NCOA1: variants seen among roughly 807,000 people sequenced by gnomAD.
NCOA1 encodes Hin-2 protein.
Under a neutral mutation model 150.9 loss-of-function variants are expected in NCOA1, and 35 were observed. That is an observed-to-expected ratio of 0.23 (90% CI 0.18 to 0.31). The LOEUF is 0.31. Ranked by LOEUF, NCOA1 falls within the 10% of genes least tolerant of loss-of-function variation. The probability of loss-of-function intolerance (pLI) is 1.00; values close to 1 mark genes in which losing one functional copy is unlikely to be tolerated. For missense variants in NCOA1, 1,491 were observed against 1,749.3 expected, an observed-to-expected ratio of 0.85 and a Z score of 2.63; for synonymous variants, 590 against 630.0, an observed-to-expected ratio of 0.94 and a Z score of 0.95.
chr2:24,562,525 T>C (rs1025914150), intron 1 of NCOA1, among the ~76,000 whole-genome samples: 1 of 152,168 alleles, frequency 6.6e-6, no homozygotes, highest in Admixed American at 6.5e-5. Flanking sequence ...ATTCCACCCC[T>C]AGTAGGGCTG....
At chr2:24,670,357 A>G (rs1671624635) in intron 6 of NCOA1, among the ~76,000 whole-genome samples, 1 of 152,342 alleles carries the variant, frequency 6.6e-6, no homozygotes, top group East Asian at 1.9e-4. Context: ...CTGTCCATAC[A>G]AAAAATTTGT....
At chr2:24,704,359 A>G (rs1673306589) in intron 11 of NCOA1, among the ~76,000 whole-genome samples, 1 of 152,240 alleles carries the variant, frequency 6.6e-6, no homozygotes, top group African/African-American at 2.4e-5. Context: ...TTATTTAAAA[A>G]AAAACCAGCA....
intron 2 of NCOA1, among the ~76,000 whole-genome samples, chr2:24,567,456 A>T (rs1441337485): frequency 2.0e-5 from 3 of 152,206 alleles, no homozygotes; most frequent in Non-Finnish European, 2.9e-5. Context: ...ATTATTCTGT[A>T]ACTTCATTAT....
chr2:24,714,879 T>C (rs1673938067), intron 14 of NCOA1, among the ~76,000 whole-genome samples: 1 of 151,970 alleles, frequency 6.6e-6, no homozygotes, highest in South Asian at 2.1e-4. Flanking sequence ...AGAAAACTAC[T>C]ATAAGCCATG....
chr2:24,711,130 A>G lies in NCOA1; in HGVS notation c.2599+19A>G, dbSNP rs377496055. On this transcript the variant is annotated intron_variant, in intron 14 of 22. Coordinates refer to ENST00000348332, the MANE Select transcript of NCOA1 (RefSeq NM_003743.5). ...CTAAATAGTATGTTCTGGGGACAAC[A>G]CCTCATTTTAAACGTTTAGTGATAA... 3.8e-6 allele frequency: 6 copies of G among 1,595,920 alleles called. No individual in the cohort carries two copies. In the African/African-American group the frequency reaches 5.4e-5, roughly 14 times the overall value.
chr2:24,727,466 A>G (rs1282921878), intron 15 of NCOA1, among the ~76,000 whole-genome samples: 1 of 152,200 alleles, frequency 6.6e-6, no homozygotes, highest in Non-Finnish European at 1.5e-5. Context: ...ACTCAGTGTC[A>G]CATCTTGATT....
intron 3 of NCOA1, among the ~76,000 whole-genome samples, chr2:24,600,379 G>T (rs990100309): frequency 3.3e-5 from 5 of 151,936 alleles, no homozygotes; most frequent in African/African-American, 1.2e-4. Context: ...CTAATTTTTT[G>T]TATTTTTTGT....
chr2:24,543,170 C>T (rs1665469395), intron 1 of NCOA1, among the ~76,000 whole-genome samples: 1 of 152,082 alleles, frequency 6.6e-6, no homozygotes, highest in Non-Finnish European at 1.5e-5. Flanking sequence ...GGACCAGGTG[C>T]TGGGTCAAAA....
intron 2 of NCOA1, among the ~76,000 whole-genome samples, chr2:24,569,130 T>C (rs1666632529): frequency 6.6e-6 from 1 of 152,010 alleles, no homozygotes; most frequent in South Asian, 2.1e-4. Context: ...ATGTGACTTT[T>C]TGTCATGATT....
In NCOA1 at chr2:24,661,178, A is replaced by G. The variant is rs765314965; in HGVS notation, c.89+2412A>G. Among the ~76,000 whole-genome samples the G allele has an allele frequency of 1.3e-5, 2 of 152,304 alleles. 1 individual carries two copies. Among genetic ancestry groups the G allele is most frequent in the South Asian group, 4.1e-4 (2 of 4,826 alleles). Reference sequence around the variant, plus strand: ...ATTCCTCTTTTCCCACATTCTTACTATCACTGTTCTCTTCTCATGTTAACA... The same window carrying G: ...ATTCCTCTTTTCCCACATTCTTACTGTCACTGTTCTCTTCTCATGTTAACA... On this transcript the variant is annotated intron_variant, in intron 5 of 22. Coordinates refer to ENST00000348332, the MANE Select transcript of NCOA1 (RefSeq NM_003743.5).
intron 3 of NCOA1, among the ~76,000 whole-genome samples, chr2:24,594,934 T>C: frequency 6.6e-6 from 1 of 152,142 alleles, no homozygotes; most frequent in Non-Finnish European, 1.5e-5. Context: ...TTTGTGTTTT[T>C]ATTAAAGTCT....
intron 18 of NCOA1, 27 bp from the exon 19 acceptor site, chr2:24,741,757 G>A (rs772829984): frequency 1.3e-5 from 21 of 1,584,924 alleles, no homozygotes; most frequent in Non-Finnish European, 1.7e-5. Context: ...AATAATTTTA[G>A]TAAGTGAGTT....
intron 3 of NCOA1, among the ~76,000 whole-genome samples, chr2:24,631,903 G>T (rs1019798205): frequency 6.6e-6 from 1 of 152,080 alleles, no homozygotes; most frequent in Non-Finnish European, 1.5e-5. Context: ...TCAATGTCAG[G>T]ATAGTGGATT....
At chr2:24,712,383 G>A (rs1673788203) in intron 14 of NCOA1, among the ~76,000 whole-genome samples, 1 of 152,210 alleles carries the variant, frequency 6.6e-6, no homozygotes, top group Non-Finnish European at 1.5e-5. Flanking sequence ...CAATATGGGA[G>A]ACTGGAAGAA....
At chr2:24,751,640 T>C (rs1664248365) in intron 19 of NCOA1, among the ~76,000 whole-genome samples, 1 of 151,952 alleles carries the variant, frequency 6.6e-6, no homozygotes, top group Non-Finnish European at 1.5e-5. Flanking sequence ...TGTATGTTCA[T>C]ACATATTTTT....
At chr2:24,758,926 T>G (rs529282382) in intron 21 of NCOA1, among the ~76,000 whole-genome samples, 1 of 152,228 alleles carries the variant, frequency 6.6e-6, no homozygotes, top group South Asian at 2.1e-4. Context: ...AGTTGGAGGT[T>G]GCAGTGAGCT....
At chr2:24,603,712 T>G (rs1668230737) in intron 3 of NCOA1, among the ~76,000 whole-genome samples, 3 of 152,242 alleles carry the variant, frequency 2.0e-5, no homozygotes, top group Admixed American at 1.3e-4. Flanking sequence ...CTCTTGCTGT[T>G]TTTACCATAT....
In NCOA1 at chr2:24,507,357, G is replaced by A. The variant is rs569417631; in HGVS notation, c.-396+15755G>A. Among the ~76,000 whole-genome samples the A allele has an allele frequency of 3.3e-5, 5 of 149,860 alleles. No homozygotes were observed. The South Asian group carries it at 1.1e-3, about 32-fold the overall frequency. On this transcript the variant is annotated intron_variant, in intron 1 of 22. Coordinates refer to ENST00000348332, the MANE Select transcript of NCOA1 (RefSeq NM_003743.5). ...ACCTGTCTCCACAAGGTGGTTGTGAGAATTTTGTGAGTTTACACATACAAA... is the reference window on the plus strand; with the variant it reads ...ACCTGTCTCCACAAGGTGGTTGTGAAAATTTTGTGAGTTTACACATACAAA...
intron 11 of NCOA1, among the ~76,000 whole-genome samples, chr2:24,704,355 A>T (rs909742530): frequency 3.3e-5 from 5 of 151,374 alleles, no homozygotes; most frequent in South Asian, 2.1e-4. Context: ...GCTGTTATTT[A>T]AAAAAAAACC....
Sources: gnomAD v4.1 joint callset for allele counts (sites outside exome capture counted in the v4.1 genomes callset) on GRCh38, gnomAD v4.1.1 for gene constraint, MANE v1.5 for transcripts, NCBI Gene and HGNC (gene_info 2026-07-23, HGNC 2026-07-21) for gene names.